The following CWC27 variants were observed in gnomAD, a reference collection of about 807,000 sequenced individuals.
The protein encoded by CWC27 is spliceosome-associated protein CWC27 homolog.
Under a neutral mutation model 63.6 loss-of-function variants are expected in CWC27, and 47 were observed. The ratio of observed to expected loss-of-function variants is 0.74; its 90% CI spans 0.58 to 0.94. CWC27 has a LOEUF of 0.94. CWC27 is among the 40% of genes least tolerant of loss of function. CWC27 has a pLI of 0.00. For synonymous variants in CWC27, 175 were observed against 179.8 expected (o/e 0.97, Z 0.22); for missense variants, 495 against 554.3 (o/e 0.89, Z 1.07).
At position 64,801,307 on chromosome 5, in the gene CWC27, A is replaced by C; in HGVS notation, c.755A>C (p.Lys252Thr). ...TTTGCTTATTTTTTTTATAGTGAAA[A>C]AGGTGATGCACCAGATTTAGTTGAT... The part of the protein sequence containing the change: ...LSSVPVVESE[K>T]GDAPDLVDDG... The change falls in exon 9 of 14, where the codon AAA (lysine) becomes ACA (threonine). Residue 252 changes from lysine to threonine, a missense_variant. Physicochemically the swap from Lys to Thr is moderately conservative, Grantham distance 78 (BLOSUM62 -1). Coordinates refer to ENST00000381070, the MANE Select transcript of CWC27 (RefSeq NM_005869.4). 1 of 1,415,284 alleles carries C rather than the reference A, an allele frequency of 7.1e-7. No homozygotes were observed. Among genetic ancestry groups the C allele is most frequent in the Non-Finnish European group, 9.5e-7 (1 of 1,048,502 alleles). The allele number at this position is 1,415,284 out of a possible 1,614,324, so 87.7% of individuals were successfully genotyped here.
chr5:64,858,137 CAAAAAAAAAAAAAA>C (rs529762534), intron 10 of CWC27, among the ~76,000 whole-genome samples: 13 of 23,094 alleles, frequency 5.6e-4, no homozygotes, highest in Admixed American at 1.7e-3. Context: ...GACTCCGTCT[CAAAAAAAAAAAAAA>C]AAAAAAAAAA....
rs546957416 is a variant in CWC27 at position 65,017,247 on chromosome 5, G to C, written c.1257-912G>C. On this transcript the variant is annotated intron_variant, in intron 13 of 13. Coordinates refer to ENST00000381070, the MANE Select transcript of CWC27 (RefSeq NM_005869.4). ...GAGGCAGGAGAATCGCTTGAACCCG[G>C]GAGGTGAAGGTTGCAGTGAGCCGAG... Among the ~76,000 whole-genome samples, 4 of 152,216 alleles carry C rather than the reference G, an allele frequency of 2.6e-5. No homozygotes were observed. The South Asian group carries it at 8.3e-4, about 32-fold the overall frequency.
At chr5:64,804,177 A>C in intron 9 of CWC27, 52 bp from the exon 10 acceptor site, 1 of 1,516,930 alleles carries the variant, frequency 6.6e-7, no homozygotes, top group Admixed American at 2.0e-5. Context: ...GATCTCTAGA[A>C]ATGAAAGGGG....
chr5:64,875,774 C>T (rs1746779778), intron 10 of CWC27, among the ~76,000 whole-genome samples: 2 of 152,022 alleles, frequency 1.3e-5, no homozygotes, highest in African/African-American at 4.8e-5. Flanking sequence ...CCTTTTTAAT[C>T]TCTTTTGTTA....
At chr5:64,953,238 T>A (rs999807810) in intron 11 of CWC27, among the ~76,000 whole-genome samples, 1 of 152,174 alleles carries the variant, frequency 6.6e-6, no homozygotes, top group Non-Finnish European at 1.5e-5. Flanking sequence ...TGTTTTTCTC[T>A]TATTCACACT....
At chr5:64,814,629 A>C (rs963230826) in intron 10 of CWC27, among the ~76,000 whole-genome samples, 20 of 152,214 alleles carry the variant, frequency 1.3e-4, no homozygotes, top group African/African-American at 4.8e-4. Flanking sequence ...CAGCGACACC[A>C]GTACTTGAAC....
chr5:64,962,428 C>T (rs1047632574), intron 11 of CWC27, among the ~76,000 whole-genome samples: 3 of 152,258 alleles, frequency 2.0e-5, no homozygotes, highest in African/African-American at 7.2e-5. Context: ...CAAATGGAGG[C>T]TCTAATATCT....
intron 1 of CWC27, 26 bp downstream of exon 1, chr5:64,769,214 G>C (rs199894099): frequency 6.2e-7 from 1 of 1,611,780 alleles, no homozygotes; most frequent in Non-Finnish European, 8.5e-7. Flanking sequence ...AGGGAACTTG[G>C]GGTCCTGGGA....
chr5:64,779,614 CT>C (rs1306094981), intron 2 of CWC27, among the ~76,000 whole-genome samples: 1 of 152,164 alleles, frequency 6.6e-6, no homozygotes, highest in Non-Finnish European at 1.5e-5. Flanking sequence ...GCCGGCACCT[CT>C]ATGTAGTTCT....
intron 11 of CWC27, among the ~76,000 whole-genome samples, chr5:64,959,610 T>C (rs1748864907): frequency 1.3e-5 from 2 of 152,192 alleles, no homozygotes; most frequent in Admixed American, 6.5e-5. Context: ...TCCTCTCACC[T>C]TTATTTAACA....
At chr5:64,833,154 A>G (rs1745573332) in intron 10 of CWC27, among the ~76,000 whole-genome samples, 2 of 151,788 alleles carry the variant, frequency 1.3e-5, no homozygotes, top group South Asian at 2.1e-4. Context: ...ATTATTTTGT[A>G]TTATACACAC....
chr5:64,990,899 G>A (rs1749526097), intron 13 of CWC27, among the ~76,000 whole-genome samples: 1 of 151,972 alleles, frequency 6.6e-6, no homozygotes, highest in Admixed American at 6.6e-5. Context: ...TATTCATATA[G>A]GTCAGATTAA....
chr5:64,889,224 A>G (rs1428446756), intron 11 of CWC27, among the ~76,000 whole-genome samples: 1 of 152,126 alleles, frequency 6.6e-6, no homozygotes, highest in East Asian at 1.9e-4. Flanking sequence ...AAAAAAAAGG[A>G]TATTAGTGTG....
rs2112369631 is a variant in CWC27 at position 64,905,297 on chromosome 5, G to T, written c.1042+19751G>T. Among the ~76,000 whole-genome samples the T allele has an allele frequency of 2.0e-5, 3 of 148,384 alleles. No individual in the cohort carries two copies. In the South Asian group the frequency reaches 6.4e-4, roughly 32 times the overall value. On this transcript the variant is annotated intron_variant, in intron 11 of 13. Transcript: ENST00000381070. ...ACTACCTTCTCCACACTCAAGCTAA[G>T]ATGCCCTTAATAGGAACATGTTACT...
At chr5:64,937,210 T>C (rs547091260) in intron 11 of CWC27, among the ~76,000 whole-genome samples, 1 of 152,356 alleles carries the variant, frequency 6.6e-6, no homozygotes, top group African/African-American at 2.4e-5. Flanking sequence ...TTTAGATCTT[T>C]CCAGCTTTCT....
chr5:64,799,639 C>A (rs1445450952), intron 7 of CWC27, among the ~76,000 whole-genome samples: 2 of 140,210 alleles, frequency 1.4e-5, no homozygotes, highest in Non-Finnish European at 3.1e-5. Context: ...TATAATGCTA[C>A]TTCTTAAACC....
intron 10 of CWC27, among the ~76,000 whole-genome samples, chr5:64,811,631 C>T (rs1319471546): frequency 6.6e-6 from 1 of 151,998 alleles, no homozygotes; most frequent in African/African-American, 2.4e-5. Context: ...CCATGTTCTA[C>T]TTATATGCCA....
intron 11 of CWC27, among the ~76,000 whole-genome samples, chr5:64,969,321 A>AT (rs1219696124): frequency 6.6e-6 from 1 of 152,058 alleles, no homozygotes; most frequent in African/African-American, 2.4e-5. Context: ...TCTCTTTTGC[A>AT]TTTTTTTAAC....
intron 13 of CWC27, among the ~76,000 whole-genome samples, chr5:64,994,121 T>G (rs1387129399): frequency 6.6e-6 from 1 of 152,188 alleles, no homozygotes; most frequent in Non-Finnish European, 1.5e-5. Flanking sequence ...GTTCAACATA[T>G]AAAACATTTT....
Sources: gnomAD v4.1 joint callset for allele counts (sites outside exome capture counted in the v4.1 genomes callset) on GRCh38, gnomAD v4.1.1 for gene constraint, MANE v1.5 for transcripts, NCBI Gene and HGNC (gene_info 2026-07-23, HGNC 2026-07-21) for gene names.